Variants in MSH4 observed in about 807,000 individuals in gnomAD.
MSH4 encodes mutS protein homolog 4.
In MSH4, 106 loss-of-function variants were observed where a neutral mutation model predicts 113.7. The observed-to-expected ratio is 0.93, with a 90% CI of 0.80 to 1.10. MSH4 has a LOEUF of 1.10. MSH4 is among the 50% of genes least tolerant of loss of function. MSH4 has a pLI of 0.00. For missense variants in MSH4, 1,061 were observed against 1,093.7 expected (o/e 0.97, Z 0.42); for synonymous variants, 368 against 380.2 (o/e 0.97, Z 0.37).
At chr1:75,897,753 TGATA>T (rs758888043) in intron 17 of MSH4, among the ~76,000 whole-genome samples, 150 bp from the exon 18 acceptor site, 16 of 152,300 alleles carry the variant, frequency 1.1e-4, no homozygotes, top group Non-Finnish European at 1.6e-4. Context: ...TAAAATGGAT[TGATA>T]ATGTTAGCCT....
At chr1:75,877,269 A>C (rs544735785) in intron 10 of MSH4, among the ~76,000 whole-genome samples, 1 of 152,240 alleles carries the variant, frequency 6.6e-6, no homozygotes, top group African/African-American at 2.4e-5. Flanking sequence ...TTTCCTTTTA[A>C]AGCCATTCTC....
chr1:75,889,397 A>G, intron 16 of MSH4, 28 bp downstream of exon 16: 1 of 999,134 alleles, frequency 1.0e-6, no homozygotes. Flanking sequence ...TTCTTATGTT[A>G]AAAACATTAA....
intron 19 of MSH4, among the ~76,000 whole-genome samples, chr1:75,903,172 T>C (rs1055461642): frequency 8.5e-5 from 13 of 152,076 alleles, no homozygotes; most frequent in African/African-American, 3.1e-4. Flanking sequence ...AGTTTCATAG[T>C]TTCAGGTCTT....
At chr1:75,803,558 A>G (rs1489328944) in intron 1 of MSH4, among the ~76,000 whole-genome samples, 173 bp from the exon 2 acceptor site, 1 of 152,150 alleles carries the variant, frequency 6.6e-6, no homozygotes, top group East Asian at 1.9e-4. Flanking sequence ...TGGACGTTGC[A>G]GTGAGCCGAG....
At chr1:75,877,539 C>T (rs1557519767) in intron 10 of MSH4, among the ~76,000 whole-genome samples, 2 of 152,002 alleles carry the variant, frequency 1.3e-5, no homozygotes, top group Admixed American at 6.6e-5. Context: ...TGTGAGGCCA[C>T]ACATTGAAGT....
chr1:75,825,411 A>T (rs1650524631), intron 7 of MSH4, among the ~76,000 whole-genome samples: 1 of 152,190 alleles, frequency 6.6e-6, no homozygotes, highest in South Asian at 2.1e-4. Flanking sequence ...ATCTGCAAAC[A>T]GAGACAATTT....
chr1:75,833,863 C>A (rs1169572827), intron 7 of MSH4, among the ~76,000 whole-genome samples: 1 of 152,202 alleles, frequency 6.6e-6, no homozygotes, highest in Non-Finnish European at 1.5e-5. Flanking sequence ...CCATTCAGGT[C>A]ATAGGCATGG....
chr1:75,883,839 T>C lies in MSH4; in HGVS notation c.2107+18T>C. The C allele has an allele frequency of 6.3e-7, 1 of 1,598,006 alleles. No individual in the cohort carries two copies. The highest frequency in any genetic ancestry group is 8.5e-7 in the Non-Finnish European group (1 of 1,171,344). On this transcript the variant is annotated intron_variant, in intron 15 of 19. Transcript: ENST00000263187. ...CCAGATTGGTAAGTTATGGCTTTAT[T>C]TATAATGACCAGTTTTACACTCTTT...
At chr1:75,900,837 T>G (rs1159571823) in intron 19 of MSH4, among the ~76,000 whole-genome samples, 4 of 152,200 alleles carry the variant, frequency 2.6e-5, no homozygotes, top group Admixed American at 2.6e-4. Flanking sequence ...GAAGAAGCTC[T>G]TATTACCTAA....
At chr1:75,803,686 A>G (rs574513698) in intron 1 of MSH4, 45 bp from the exon 2 acceptor site, 2 of 1,364,260 alleles carry the variant, frequency 1.5e-6, no homozygotes, top group Admixed American at 2.5e-5. Context: ...ACATCATTGC[A>G]TAATTCAAAT....
At chr1:75,823,295 A>G (rs1378012586) in intron 7 of MSH4, among the ~76,000 whole-genome samples, 1 of 152,208 alleles carries the variant, frequency 6.6e-6, no homozygotes, top group Non-Finnish European at 1.5e-5. Flanking sequence ...GCAATTTCCA[A>G]ATAAGGTCAC....
At chr1:75,805,813 TC>T (rs1404320894) in intron 2 of MSH4, among the ~76,000 whole-genome samples, 1 of 152,194 alleles carries the variant, frequency 6.6e-6, no homozygotes, top group African/African-American at 2.4e-5. Flanking sequence ...ATTACTAACT[TC>T]TAAAATTTAT....
chr1:75,907,540 A>G (rs915136115), intron 19 of MSH4, among the ~76,000 whole-genome samples: 2 of 151,526 alleles, frequency 1.3e-5, no homozygotes, highest in African/African-American at 4.9e-5. Flanking sequence ...AGATATTAAC[A>G]TATTTCTCTA....
chr1:75,911,464 C>T (rs1652784661), intron 19 of MSH4, among the ~76,000 whole-genome samples: 1 of 152,148 alleles, frequency 6.6e-6, no homozygotes, highest in South Asian at 2.1e-4. Context: ...CTTTTCTTGG[C>T]CTGAGCTGGA....
In MSH4 at chr1:75,797,041, C is replaced by A. The variant is rs763754874; in HGVS notation, c.56C>A (p.Ser19Ter). 6.2e-7 allele frequency: 1 copy of A among 1,614,060 alleles called. No homozygotes were observed. Among genetic ancestry groups the A allele is most frequent in the Non-Finnish European group, 8.5e-7 (1 of 1,179,980 alleles). ...TSPSAPAVSP[S>*]SGETRSPQGP... ...CCTTCTGCCCCGGCGGTTTCCCCGTCGTCGGGAGAAACCCGCTCACCTCAG... is the reference window on the plus strand; with the variant it reads ...CCTTCTGCCCCGGCGGTTTCCCCGTAGTCGGGAGAAACCCGCTCACCTCAG... Residue 19 changes from serine (S) to a stop codon, truncating the protein, a stop_gained, in exon 1 of 20, where the codon TCG becomes TAG. Coordinates refer to ENST00000263187, the MANE Select transcript of MSH4 (RefSeq NM_002440.4). LOFTEE classifies it high-confidence loss of function.
chr1:75,803,411 A>G (rs1209744088), intron 1 of MSH4, among the ~76,000 whole-genome samples: 3 of 151,994 alleles, frequency 2.0e-5, no homozygotes, highest in South Asian at 2.1e-4. Flanking sequence ...GAGGTCAGGA[A>G]TTCGAGACCA....
At chr1:75,805,058 C>T (rs1372235547) in intron 2 of MSH4, among the ~76,000 whole-genome samples, 2 of 152,074 alleles carry the variant, frequency 1.3e-5, no homozygotes, top group East Asian at 3.9e-4. Flanking sequence ...AACTCCTAAC[C>T]TCATGATCCG....
At chr1:75,839,271 G>C (rs1570960158) in intron 7 of MSH4, among the ~76,000 whole-genome samples, 1 of 151,932 alleles carries the variant, frequency 6.6e-6, no homozygotes, top group Non-Finnish European at 1.5e-5. Context: ...CTGGAGTGCA[G>C]TGGCACAATC....
At chr1:75,815,172 A>C in intron 5 of MSH4, 36 bp downstream of exon 5, 1 of 1,094,358 alleles carries the variant, frequency 9.1e-7, no homozygotes, top group Non-Finnish European at 1.3e-6. Flanking sequence ...TTACTAGCCC[A>C]CAGCTACCAA....
Sources: gnomAD v4.1 joint callset for allele counts (sites outside exome capture counted in the v4.1 genomes callset) on GRCh38, gnomAD v4.1.1 for gene constraint, MANE v1.5 for transcripts, NCBI Gene and HGNC (gene_info 2026-07-23, HGNC 2026-07-21) for gene names.